Variants in TSEN15 observed in about 807,000 individuals in gnomAD.
The protein encoded by TSEN15 is tRNA-splicing endonuclease subunit Sen15.
A neutral mutation model predicts 20.5 loss-of-function variants in TSEN15; 10 were observed. The observed-to-expected ratio is 0.49, with a 90% confidence interval of 0.30 to 0.83. The LOEUF is 0.83. Ranked by LOEUF, TSEN15 falls within the 40% of genes least tolerant of loss-of-function variation. The probability of loss-of-function intolerance (pLI) is 0.06; values close to 1 mark genes in which losing one functional copy is unlikely to be tolerated. For synonymous variants in TSEN15, 72 were observed against 80.1 expected, an observed-to-expected ratio of 0.90 and a Z score of 0.54; for missense variants, 180 against 218.6, an observed-to-expected ratio of 0.82 and a Z score of 1.11.
intron 3 of TSEN15, chr1:184,071,103 T>G (rs546055456): frequency 1.3e-5 from 2 of 152,350 alleles, no homozygotes; most frequent in Admixed American, 1.3e-4. Flanking sequence ...ATTTAATTGA[T>G]TCATATAATA....
chr1:184,052,045 C>T (rs549743392), intron 1 of TSEN15, among the ~76,000 whole-genome samples, 155 bp downstream of exon 1: 1 of 152,322 alleles, frequency 6.6e-6, no homozygotes, highest in Admixed American at 6.5e-5. Flanking sequence ...CAGCCTCAGG[C>T]AGCATCGGTT....
intron 3 of TSEN15, among the ~76,000 whole-genome samples, chr1:184,086,357 C>T: frequency 6.6e-6 from 1 of 152,184 alleles, no homozygotes; most frequent in Non-Finnish European, 1.5e-5. Flanking sequence ...AGCTTCTCTT[C>T]TCTCTTCCTG....
intron 1 of TSEN15, among the ~76,000 whole-genome samples, 185 bp downstream of exon 1, chr1:184,052,075 GCACTAT>G (rs1650074740): frequency 6.6e-6 from 1 of 152,172 alleles, no homozygotes; most frequent in South Asian, 2.1e-4. Flanking sequence ...TAAACAAGTT[GCACTAT>G]CTCAATCCCC....
At chr1:184,069,575 G>T (rs1238468256) in intron 3 of TSEN15, among the ~76,000 whole-genome samples, 1 of 152,056 alleles carries the variant, frequency 6.6e-6, no homozygotes, top group Non-Finnish European at 1.5e-5. Context: ...GTATTCTGGT[G>T]ATACTTAAAT....
At chr1:184,067,466 G>T (rs1403831440) in intron 3 of TSEN15, among the ~76,000 whole-genome samples, 1 of 152,140 alleles carries the variant, frequency 6.6e-6, no homozygotes, top group Admixed American at 6.5e-5. Flanking sequence ...GGTCTAACCT[G>T]GTACCTGGTA....
intron 1 of TSEN15, 58 bp from the exon 2 acceptor site, chr1:184,054,296 G>T: frequency 8.8e-7 from 1 of 1,135,002 alleles, no homozygotes; most frequent in Non-Finnish European, 1.3e-6. Context: ...TTGATGATTG[G>T]AAGAAAATAT....
Position 184,072,934 on chromosome 1 carries a change from G to A in TSEN15, c.*87G>A. ...GCTTCATCTTTTATCTCAGAAATAGGGTTGACGTACATAGTGAGGGTTGAC... is the reference window on the plus strand; with the variant it reads ...GCTTCATCTTTTATCTCAGAAATAGAGTTGACGTACATAGTGAGGGTTGAC... On this transcript the variant is annotated 3_prime_UTR_variant, in exon 5 of 5. Transcript: ENST00000645668. The A allele has an allele frequency of 7.4e-7, 1 of 1,347,216 alleles. No individual in the cohort carries two copies. Among genetic ancestry groups the A allele is most frequent in the Non-Finnish European group, 1.0e-6 (1 of 966,094 alleles). The allele number at this position is 1,347,216 out of a possible 1,614,324, so 83.5% of individuals were successfully genotyped here.
At chr1:184,095,671 GTC>G (rs1194877723) in intron 3 of TSEN15, 2 of 391,216 alleles carry the variant, frequency 5.1e-6, no homozygotes, top group Non-Finnish European at 8.9e-6. Flanking sequence ...CTCTCTCTGT[GTC>G]TCTCTCTCTT....
At chr1:184,093,270 A>G (rs777155160) in intron 3 of TSEN15, among the ~76,000 whole-genome samples, 1 of 152,174 alleles carries the variant, frequency 6.6e-6, no homozygotes, top group Non-Finnish European at 1.5e-5. Context: ...TGCTCTGGAC[A>G]CTGGATCTGC....
chr1:184,080,173 GACA>G (rs1341684128), intron 3 of TSEN15, among the ~76,000 whole-genome samples: 2 of 152,098 alleles, frequency 1.3e-5, no homozygotes, highest in Admixed American at 6.6e-5. Flanking sequence ...GCATTACAAG[GACA>G]ACATTATATA....
At chr1:184,058,293 A>C in intron 3 of TSEN15, 1 of 321,022 alleles carries the variant, frequency 3.1e-6, no homozygotes. Context: ...TTAAATCTTT[A>C]TGTCTTGTTT....
chr1:184,092,137 T>C (rs1651371376), intron 3 of TSEN15, among the ~76,000 whole-genome samples: 1 of 152,220 alleles, frequency 6.6e-6, no homozygotes, highest in Admixed American at 6.5e-5. Flanking sequence ...TTACTTATTG[T>C]ATTCAGCAAG....
intron 3 of TSEN15, among the ~76,000 whole-genome samples, chr1:184,093,240 C>CCTGTTTTA (rs1557892300): frequency 2.6e-5 from 4 of 152,180 alleles, no homozygotes; most frequent in African/African-American, 9.7e-5. Context: ...CTTTTAAAGT[C>CCTGTTTTA]ACGAGGCCCA....
chr1:184,082,095 TGGATAGTTGTTTATGTG>T, intron 3 of TSEN15, among the ~76,000 whole-genome samples: 1 of 152,212 alleles, frequency 6.6e-6, no homozygotes, highest in African/African-American at 2.4e-5. Flanking sequence ...TCTTCTGGGA[TGGATAGTTGTTTATGTG>T]GGATAGTGAA....
At chr1:184,076,210 A>T (rs148357322), downstream of TSEN15, among the ~76,000 whole-genome samples, 1 of 152,100 alleles carries the variant, frequency 6.6e-6, no homozygotes, top group African/African-American at 2.4e-5. Context: ...TTTTTCCAAC[A>T]TGATCATTTC....
chr1:184,054,016 G>A (rs2102876858), intron 1 of TSEN15, among the ~76,000 whole-genome samples: 1 of 152,296 alleles, frequency 6.6e-6, no homozygotes, highest in South Asian at 2.1e-4. Context: ...GTTCTTCAGT[G>A]CTCAACTTGT....
chr1:184,071,536 T>TA (rs1480135624), intron 3 of TSEN15, among the ~76,000 whole-genome samples: 1 of 152,020 alleles, frequency 6.6e-6, no homozygotes, highest in Non-Finnish European at 1.5e-5. Flanking sequence ...AATTTCTATA[T>TA]TTTTTAGAAT....
At chr1:184,079,882 C>T (rs919988978) in intron 3 of TSEN15, among the ~76,000 whole-genome samples, 1 of 152,158 alleles carries the variant, frequency 6.6e-6, no homozygotes, top group Non-Finnish European at 1.5e-5. Flanking sequence ...GGAATTCAGA[C>T]AGGCAATTAC....
chr1:184,069,186 T>C (rs1179931098), intron 3 of TSEN15, among the ~76,000 whole-genome samples: 1 of 152,214 alleles, frequency 6.6e-6, no homozygotes, highest in Non-Finnish European at 1.5e-5. Context: ...AGCTCCTCTA[T>C]GAACAGTTAT....
Sources: allele counts gnomAD v4.1 joint callset (sites outside exome capture counted in the v4.1 genomes callset), GRCh38; gene constraint gnomAD v4.1.1; transcripts MANE v1.5; gene names NCBI Gene and HGNC (gene_info 2026-07-23, HGNC 2026-07-21).